Variants in ASTN2 observed in about 807,000 individuals in gnomAD.
The protein encoded by ASTN2 is astrotactin-2.
A neutral mutation model predicts 139.8 loss-of-function variants in ASTN2; 54 were observed. The ratio of observed to expected loss-of-function variants is 0.39; its 90% CI spans 0.31 to 0.48. The LOEUF is 0.48. Ranked by LOEUF, ASTN2 falls within the 20% of genes least tolerant of loss-of-function variation. The pLI is 0.95. For synonymous variants in ASTN2, 756 were observed against 719.5 expected, an observed-to-expected ratio of 1.05 and a Z score of -0.81; for missense variants, 1,565 against 1,725.1, an observed-to-expected ratio of 0.91 and a Z score of 1.64.
At chr9:117,113,492 C>T (rs1313279550) in intron 4 of ASTN2, among the ~76,000 whole-genome samples, 4 of 152,074 alleles carry the variant, frequency 2.6e-5, no homozygotes, top group Admixed American at 1.3e-4. Flanking sequence ...CCCGTCTCCA[C>T]TAAATATACA....
chr9:116,425,383 T>A lies in ASTN2; in HGVS notation c.*468A>T, dbSNP rs1257502285. The A allele has an allele frequency of 4.8e-6, 3 of 626,150 alleles. No individual in the cohort carries two copies. Among genetic ancestry groups the A allele is most frequent in the African/African-American group, 3.7e-5 (2 of 53,368 alleles). 38.8% of individuals were successfully genotyped at this position (626,150 alleles called of 1,614,324 possible). On this transcript the variant is annotated 3_prime_UTR_variant, in exon 23 of 23. Coordinates refer to ENST00000313400, the MANE Select transcript of ASTN2 (RefSeq NM_001365068.1). ...GACCCATGCTTCCTCACTGCAACCA[T>A]CCTCAGAGCTTCCTTCCTGGTGCTG...
At chr9:116,703,314 T>C (rs1564222163) in intron 16 of ASTN2, among the ~76,000 whole-genome samples, 1 of 150,678 alleles carries the variant, frequency 6.6e-6, no homozygotes, top group East Asian at 1.9e-4. Flanking sequence ...TCGCCCACTT[T>C]TTGATGGGGT....
chr9:116,449,328 C>G (rs1195951266), intron 20 of ASTN2, among the ~76,000 whole-genome samples: 2 of 152,054 alleles, frequency 1.3e-5, no homozygotes, highest in East Asian at 3.9e-4. Context: ...ATCATTTGAG[C>G]CTGGGAGATC....
chr9:116,987,915 C>T (rs547887038), intron 7 of ASTN2, among the ~76,000 whole-genome samples: 4 of 152,270 alleles, frequency 2.6e-5, no homozygotes, highest in South Asian at 2.1e-4. Flanking sequence ...GCATATACAG[C>T]GTGGATACTA....
intron 3 of ASTN2, among the ~76,000 whole-genome samples, chr9:117,203,031 TC>T (rs1408031918): frequency 1.3e-5 from 2 of 152,054 alleles, no homozygotes; most frequent in African/African-American, 4.8e-5. Flanking sequence ...CTTTGTTAAT[TC>T]TTTTTTGTTC....
At chr9:117,020,311 G>C (rs1413957011) in intron 6 of ASTN2, among the ~76,000 whole-genome samples, 1 of 151,428 alleles carries the variant, frequency 6.6e-6, no homozygotes, top group Non-Finnish European at 1.5e-5. Flanking sequence ...GTAGTAGTGA[G>C]TCAAACACAT....
At chr9:117,352,147 TGAG>T (rs1829411659) in intron 1 of ASTN2, among the ~76,000 whole-genome samples, 2 of 152,282 alleles carry the variant, frequency 1.3e-5, no homozygotes, top group South Asian at 4.1e-4. Context: ...AGCCCTGGGC[TGAG>T]GAGAACACAG....
intron 17 of ASTN2, among the ~76,000 whole-genome samples, chr9:116,640,323 G>A (rs1348646919): frequency 6.6e-6 from 1 of 152,154 alleles, no homozygotes; most frequent in Non-Finnish European, 1.5e-5. Context: ...AAATTTGGAA[G>A]AGGAGGAGAC....
chr9:116,573,894 G>T (rs1236857662), intron 19 of ASTN2, among the ~76,000 whole-genome samples: 1 of 152,128 alleles, frequency 6.6e-6, no homozygotes, highest in East Asian at 1.9e-4. Flanking sequence ...TGTGGCAGTT[G>T]TCCCCAAAGC....
chr9:116,700,560 G>A (rs1588220858), intron 16 of ASTN2: 1 of 167,202 alleles, frequency 6.0e-6, no homozygotes, highest in East Asian at 1.9e-4. Context: ...CTGTGTCTAA[G>A]GAATTGTACA....
intron 19 of ASTN2, among the ~76,000 whole-genome samples, chr9:116,610,481 G>A (rs1327576782): frequency 1.3e-5 from 2 of 152,108 alleles, no homozygotes; most frequent in East Asian, 1.9e-4. Context: ...GCGGGTGCCT[G>A]TAATCTCAGC....
At chr9:117,371,660 T>G (rs2130913639) in intron 1 of ASTN2, among the ~76,000 whole-genome samples, 1 of 152,198 alleles carries the variant, frequency 6.6e-6, no homozygotes. Flanking sequence ...TCTCATAGGG[T>G]TGTCGTGAGG....
intron 13 of ASTN2, among the ~76,000 whole-genome samples, chr9:116,767,875 C>T (rs567187546): frequency 2.0e-5 from 3 of 152,256 alleles, no homozygotes; most frequent in Middle Eastern, 3.4e-3. Flanking sequence ...TCCTCCATTT[C>T]CTAATGGCAT....
intron 7 of ASTN2, among the ~76,000 whole-genome samples, chr9:116,989,461 GA>G (rs1368033793): frequency 6.6e-6 from 1 of 152,078 alleles, no homozygotes; most frequent in Admixed American, 6.6e-5. Flanking sequence ...GCTTCCCCAG[GA>G]AACAAGAGGA....
chr9:116,600,344 A>AAAG (rs1554719074), intron 19 of ASTN2, among the ~76,000 whole-genome samples: 166 of 142,418 alleles, frequency 1.2e-3, no homozygotes, highest in Admixed American at 2.1e-3. Flanking sequence ...AAAAAAAAAA[A>AAAG]AAAGAAAGAA....
intron 3 of ASTN2, among the ~76,000 whole-genome samples, chr9:117,197,823 A>T (rs1831557295): frequency 6.6e-6 from 1 of 152,106 alleles, no homozygotes; most frequent in Non-Finnish European, 1.5e-5. Flanking sequence ...ATTATTGAAA[A>T]ATATTTTGCT....
At chr9:117,226,830 G>A (rs774204337) in intron 2 of ASTN2, among the ~76,000 whole-genome samples, 3 of 152,280 alleles carry the variant, frequency 2.0e-5, no homozygotes, top group Admixed American at 1.3e-4. Context: ...GCAGAATGAA[G>A]AGCCTTCATC....
intron 19 of ASTN2, chr9:116,611,941 T>C (rs1855560248): frequency 6.6e-6 from 1 of 152,166 alleles, no homozygotes; most frequent in Admixed American, 6.5e-5. Context: ...AGAATGATCC[T>C]AATTAAAACA....
At chr9:117,000,666 G>A (rs769081315) in intron 7 of ASTN2, among the ~76,000 whole-genome samples, 3 of 151,758 alleles carry the variant, frequency 2.0e-5, no homozygotes, top group Non-Finnish European at 4.4e-5. Context: ...AGTCTGTCCT[G>A]GGAAGGAGCA....
Sources: allele counts gnomAD v4.1 joint callset (sites outside exome capture counted in the v4.1 genomes callset), GRCh38; gene constraint gnomAD v4.1.1; transcripts MANE v1.5; gene names NCBI Gene and HGNC (gene_info 2026-07-23, HGNC 2026-07-21).